Variants in SEMA5A observed in about 807,000 individuals in gnomAD.
The protein encoded by SEMA5A is semaphorin-5A.
In SEMA5A, 55 loss-of-function variants were observed where a neutral mutation model predicts 135.5. The ratio of observed to expected loss-of-function variants is 0.41; its 90% confidence interval spans 0.33 to 0.51. The LOEUF (loss-of-function observed/expected upper bound fraction) is 0.51. Ranked by LOEUF, SEMA5A falls within the 20% of genes least tolerant of loss-of-function variation. The pLI is 0.37. For synonymous variants in SEMA5A, 580 were observed against 546.5 expected (o/e 1.06, Z -0.85); for missense variants, 1,290 against 1,419.9 (o/e 0.91, Z 1.47).
intron 16 of SEMA5A, among the ~76,000 whole-genome samples, chr5:9,088,662 A>ATATATATATATATATATATATG (rs1738863448): frequency 7.4e-6 from 1 of 135,346 alleles, no homozygotes; most frequent in Non-Finnish European, 1.6e-5. Flanking sequence ...ATATATATAC[A>ATATATATATATATATATATATG]CACACACACT....
chr5:9,039,708 G>A lies in SEMA5A; in HGVS notation c.*3189C>T, dbSNP rs1735855414. On this transcript the variant is annotated 3_prime_UTR_variant, in exon 23 of 23. Transcript: ENST00000382496. ...GAACGCCATGAGTCTGGAGACTGTG[G>A]CTCTTCTGTGCGGTGGAGCCTGACC... The A allele has an allele frequency of 2.6e-5, 4 of 152,256 alleles. No homozygotes were observed. The highest frequency in any genetic ancestry group is 2.6e-4 in the Admixed American group (4 of 15,286). 9.4% of individuals were successfully genotyped at this position (152,256 alleles called of 1,614,324 possible).
At chr5:9,497,555 T>A (rs746432693) in intron 1 of SEMA5A, among the ~76,000 whole-genome samples, 3 of 152,184 alleles carry the variant, frequency 2.0e-5, no homozygotes, top group Admixed American at 1.3e-4. Flanking sequence ...AGGCACTTGA[T>A]AAAGACTGTG....
chr5:9,110,494 GAGA>G (rs1740181357), intron 15 of SEMA5A, among the ~76,000 whole-genome samples: 1 of 152,236 alleles, frequency 6.6e-6, no homozygotes, highest in South Asian at 2.1e-4. Context: ...TGGAAAGAAG[GAGA>G]AGAAGTGGTG....
chr5:9,231,424 G>C (rs566524008), intron 6 of SEMA5A, among the ~76,000 whole-genome samples: 1 of 143,500 alleles, frequency 7.0e-6, no homozygotes, highest in Non-Finnish European at 1.5e-5. Context: ...CCAAGATGGC[G>C]CCACTGCACT....
intron 11 of SEMA5A, among the ~76,000 whole-genome samples, chr5:9,178,331 C>CTTTTTT (rs5865809): frequency 6.5e-5 from 8 of 123,602 alleles, no homozygotes; most frequent in Non-Finnish European, 6.7e-5. Context: ...TTTTTCTCTC[C>CTTTTTT]TTTTTTTTTT....
At position 9,166,957 on chromosome 5, in the gene SEMA5A, C is replaced by A. The variant is rs3777273; in HGVS notation, c.1274-12262G>T. On this transcript the variant is annotated intron_variant, in intron 11 of 22. Transcript: ENST00000382496. ...CAGCCCTTCTCTGACAGTCACCAGGCAGGCATCCAGAGTCTAAATTACCCT... is the reference window on the plus strand; with the variant it reads ...CAGCCCTTCTCTGACAGTCACCAGGAAGGCATCCAGAGTCTAAATTACCCT... Among the ~76,000 whole-genome samples the A allele has an allele frequency of 1.1e-4, 16 of 152,302 alleles. No homozygotes were observed. The East Asian group carries it at 2.9e-3, about 28-fold the overall frequency.
At chr5:9,203,909 T>G (rs1343532933) in intron 8 of SEMA5A, among the ~76,000 whole-genome samples, 3 of 152,140 alleles carry the variant, frequency 2.0e-5, no homozygotes, top group Non-Finnish European at 4.4e-5. Flanking sequence ...TGGAGAGATG[T>G]TCACAAAAAC....
chr5:9,092,283 C>A (rs1739077427), intron 16 of SEMA5A, among the ~76,000 whole-genome samples: 1 of 152,204 alleles, frequency 6.6e-6, no homozygotes, highest in Admixed American at 6.5e-5. Flanking sequence ...GTGATGGCCC[C>A]AAAAGGGCTC....
intron 2 of SEMA5A, among the ~76,000 whole-genome samples, chr5:9,394,461 A>G (rs1415281776): frequency 6.6e-6 from 1 of 152,184 alleles, no homozygotes; most frequent in African/African-American, 2.4e-5. Context: ...GCTGTACACT[A>G]AAGCCACAAG....
At chr5:9,211,255 C>T (rs562631987) in intron 8 of SEMA5A, among the ~76,000 whole-genome samples, 5 of 67,078 alleles carry the variant, frequency 7.5e-5, no homozygotes, top group Admixed American at 4.1e-4. Flanking sequence ...TAAGCATCTC[C>T]CCAGGTGCTT....
chr5:9,449,781 G>C (rs1758568067), intron 1 of SEMA5A, among the ~76,000 whole-genome samples: 1 of 152,146 alleles, frequency 6.6e-6, no homozygotes, highest in African/African-American at 2.4e-5. Context: ...CACACACACA[G>C]AAGGTGCCTG....
intron 1 of SEMA5A, among the ~76,000 whole-genome samples, chr5:9,527,153 G>A (rs1046204920): frequency 2.6e-5 from 4 of 152,086 alleles, no homozygotes; most frequent in African/African-American, 9.7e-5. Context: ...TGGGAGGAGT[G>A]AGCACTTACC....
intron 1 of SEMA5A, among the ~76,000 whole-genome samples, chr5:9,466,176 C>A (rs1007100624): frequency 2.6e-5 from 4 of 151,740 alleles, no homozygotes; most frequent in African/African-American, 9.7e-5. Flanking sequence ...AGGATTAAAT[C>A]AGTAGGAATA....
intron 1 of SEMA5A, among the ~76,000 whole-genome samples, chr5:9,474,605 G>A (rs184839317): frequency 7.0e-4 from 107 of 152,332 alleles, no homozygotes; most frequent in Admixed American, 4.2e-3. Context: ...AAGGCACAGC[G>A]GCATGCATCT....
At chr5:9,157,678 C>T (rs1435338345) in intron 11 of SEMA5A, among the ~76,000 whole-genome samples, 1 of 152,232 alleles carries the variant, frequency 6.6e-6, no homozygotes, top group Non-Finnish European at 1.5e-5. Context: ...GCCTGTGCCT[C>T]TCTGTGCTCT....
At chr5:9,339,968 GTAAACAACTTAAAAAGAACAA>G (rs943800964) in intron 3 of SEMA5A, among the ~76,000 whole-genome samples, 1 of 152,102 alleles carries the variant, frequency 6.6e-6, no homozygotes, top group African/African-American at 2.4e-5. Flanking sequence ...TGAAGTCAAG[GTAAACAACTTAAAAAGAACAA>G]AACAGTTACC....
At chr5:9,248,693 C>G (rs188765529) in intron 5 of SEMA5A, among the ~76,000 whole-genome samples, 1 of 151,968 alleles carries the variant, frequency 6.6e-6, no homozygotes, top group Non-Finnish European at 1.5e-5. Context: ...GAGGAAGATG[C>G]GGAGCATACA....
At chr5:9,469,193 G>A (rs1447408903) in intron 1 of SEMA5A, among the ~76,000 whole-genome samples, 1 of 152,148 alleles carries the variant, frequency 6.6e-6, no homozygotes, top group Non-Finnish European at 1.5e-5. Context: ...ATTTTTAGTA[G>A]AGATGGGGTT....
chr5:9,053,830 G>A lies in SEMA5A; in HGVS notation c.2689+257C>T, dbSNP rs781545360. On this transcript the variant is annotated intron_variant, in intron 19 of 22. Coordinates refer to ENST00000382496, the MANE Select transcript of SEMA5A (RefSeq NM_003966.3). ...GTAACATGCCATAGATTCAGAACTC[G>A]TGCTTGAAGCCTTTAGCACTCTCCC... 38 of 347,610 alleles carry A rather than the reference G, an allele frequency of 1.1e-4. 1 individual carries two copies. The highest frequency in any genetic ancestry group is 1.5e-4 in the Non-Finnish European group (29 of 193,846). 21.5% of individuals were successfully genotyped at this position (347,610 alleles called of 1,614,324 possible). A position where few individuals can be genotyped will look rare whatever the true frequency, so the allele number is the denominator to read the frequency against.
Sources: allele counts gnomAD v4.1 joint callset (sites outside exome capture counted in the v4.1 genomes callset), GRCh38; gene constraint gnomAD v4.1.1; transcripts MANE v1.5; gene names NCBI Gene and HGNC (gene_info 2026-07-23, HGNC 2026-07-21).